The following ABLIM1 variants were observed in gnomAD, a reference collection of about 807,000 sequenced individuals.
The protein encoded by ABLIM1 is actin binding LIM protein 1.
In ABLIM1, 40 loss-of-function variants were observed where a neutral mutation model predicts 107.0. The observed-to-expected ratio is 0.37, with a 90% CI of 0.29 to 0.49. ABLIM1 has a LOEUF of 0.49. Ranked by LOEUF, ABLIM1 falls within the 20% of genes least tolerant of loss-of-function variation. The pLI, the probability that ABLIM1 is intolerant of heterozygous loss-of-function variation, is 0.97. For missense variants in ABLIM1, 857 were observed against 1,008.5 expected, an observed-to-expected ratio of 0.85 and a Z score of 2.04; for synonymous variants, 357 against 357.3, an observed-to-expected ratio of 1.00 and a Z score of 0.01.
chr10:114,787,647 C>G, the ABLIM1 span, among the ~76,000 whole-genome samples: 1 of 143,068 alleles, frequency 7.0e-6, no homozygotes, highest in Non-Finnish European at 1.6e-5. Context: ...GCCCGGCCGC[C>G]CCTACTGGGA....
chr10:114,479,918 T>C, intron 8 of ABLIM1, among the ~76,000 whole-genome samples: 1 of 152,238 alleles, frequency 6.6e-6, no homozygotes, highest in Non-Finnish European at 1.5e-5. Context: ...TTTCTTTTCC[T>C]AATGAATCCA....
chr10:114,560,146 C>G (rs1188665176), intron 4 of ABLIM1, among the ~76,000 whole-genome samples: 1 of 152,156 alleles, frequency 6.6e-6, no homozygotes, highest in Non-Finnish European at 1.5e-5. Context: ...TAAAATGTAC[C>G]AAGACCCAAA....
At chr10:114,630,734 T>A (rs1166030769) in intron 1 of ABLIM1, among the ~76,000 whole-genome samples, 3 of 152,214 alleles carry the variant, frequency 2.0e-5, no homozygotes, top group Non-Finnish European at 4.4e-5. Flanking sequence ...TTGAAATGGT[T>A]CAAGAACGCC....
chr10:114,603,791 T>C (rs2076212720), intron 1 of ABLIM1, among the ~76,000 whole-genome samples: 1 of 151,828 alleles, frequency 6.6e-6, no homozygotes, highest in African/African-American at 2.4e-5. Flanking sequence ...CCGTCTCTAC[T>C]AAAAATACAA....
chr10:114,588,441 G>A (rs762843340), intron 2 of ABLIM1, among the ~76,000 whole-genome samples: 21 of 151,406 alleles, frequency 1.4e-4, no homozygotes, highest in South Asian at 2.1e-4. Context: ...TAGATGGAAC[G>A]GAACAGGTAG....
At chr10:114,457,464 T>C (rs2063042429) in intron 12 of ABLIM1, among the ~76,000 whole-genome samples, 1 of 152,014 alleles carries the variant, frequency 6.6e-6, no homozygotes, top group African/African-American at 2.4e-5. Context: ...GAGACGGGGT[T>C]TCATCATGTT....
intron 1 of ABLIM1, among the ~76,000 whole-genome samples, chr10:114,651,826 A>G (rs1277688792): frequency 6.6e-6 from 1 of 152,218 alleles, no homozygotes; most frequent in African/African-American, 2.4e-5. Flanking sequence ...AAGTTAAAGT[A>G]AGACTGCTGT....
At chr10:114,747,926 G>GCTA (rs2082419261) in intron 1 of ABLIM1, among the ~76,000 whole-genome samples, 1 of 152,188 alleles carries the variant, frequency 6.6e-6, no homozygotes, top group East Asian at 1.9e-4. Flanking sequence ...TGTAATCCCA[G>GCTA]CTACTTGGGA....
chr10:114,745,648 T>A lies in ABLIM1; in HGVS notation c.-213+22413A>T, dbSNP rs575356780. 6.5e-4 allele frequency among the ~76,000 whole-genome samples: 99 copies of A among 152,206 alleles called. 1 individual carries two copies. Among genetic ancestry groups the A allele is most frequent in the Admixed American group, 1.4e-3 (21 of 15,288 alleles). On this transcript the variant is annotated intron_variant, in intron 1 of 15. Transcript: ENST00000651092. Reference sequence around the variant, plus strand: ...ACTTTGAGAGGCCAAGGTGGGCAGATCACCTGAGGTCAGGAGTTCAAGACC... The same window carrying A: ...ACTTTGAGAGGCCAAGGTGGGCAGAACACCTGAGGTCAGGAGTTCAAGACC...
chr10:114,749,046 T>G (rs11196898), intron 1 of ABLIM1, among the ~76,000 whole-genome samples: 18,647 of 152,166 alleles, frequency 0.12, 1,721 homozygotes, highest in East Asian at 0.45. Flanking sequence ...CTAGCTCAAA[T>G]AACGTGCTAG....
intron 6 of ABLIM1, among the ~76,000 whole-genome samples, chr10:114,541,231 A>G (rs1302860049): frequency 6.6e-6 from 1 of 151,734 alleles, no homozygotes. Context: ...TCAGACGTCT[A>G]ACCTCAAGAA....
intron 21 of ABLIM1, 119 bp downstream of exon 21, chr10:114,439,057 C>T: frequency 8.2e-7 from 1 of 1,214,988 alleles, no homozygotes. Flanking sequence ...ATATTCATGA[C>T]ATGGCTCACC....
At chr10:114,686,625 CTCTT>C (rs746536407), upstream of ABLIM1, among the ~76,000 whole-genome samples, 28 of 151,666 alleles carry the variant, frequency 1.8e-4, no homozygotes, top group Admixed American at 6.6e-5. Context: ...TCCTTCTTCT[CTCTT>C]TATCTCTCTT....
chr10:114,718,062 AAAGG>A (rs1308728552), intron 1 of ABLIM1, among the ~76,000 whole-genome samples: 7 of 47,460 alleles, frequency 1.5e-4, no homozygotes, highest in East Asian at 8.6e-4. Context: ...AGAAAGAAAG[AAAGG>A]AAGAAAGGAA....
chr10:114,693,533 G>A (rs947743435), intron 1 of ABLIM1, among the ~76,000 whole-genome samples: 2 of 152,196 alleles, frequency 1.3e-5, no homozygotes, highest in Non-Finnish European at 2.9e-5. Flanking sequence ...ATAGGGTTCA[G>A]GTCTATCCCC....
At chr10:114,491,573 G>A (rs1223831531) in intron 7 of ABLIM1, among the ~76,000 whole-genome samples, 1 of 152,110 alleles carries the variant, frequency 6.6e-6, no homozygotes, top group East Asian at 1.9e-4. Context: ...AGCATCACAA[G>A]TTCATTCGTG....
chr10:114,589,861 T>C (rs1375480880), intron 2 of ABLIM1, among the ~76,000 whole-genome samples: 3 of 152,112 alleles, frequency 2.0e-5, no homozygotes, highest in African/African-American at 7.2e-5. Flanking sequence ...TGTAGCATAG[T>C]CTATGTGTAC....
At chr10:114,565,542 T>C (rs1207802092) in intron 4 of ABLIM1, among the ~76,000 whole-genome samples, 1 of 152,140 alleles carries the variant, frequency 6.6e-6, no homozygotes, top group Admixed American at 6.5e-5. Context: ...AAGAGGTTGC[T>C]AGTAAGTGGA....
intron 2 of ABLIM1, among the ~76,000 whole-genome samples, chr10:114,596,495 G>A (rs1041185876): frequency 3.9e-5 from 6 of 152,006 alleles, no homozygotes; most frequent in African/African-American, 1.4e-4. Context: ...GACCAGCCTG[G>A]GCAACACAGC....
Sources: allele counts gnomAD v4.1 joint callset (sites outside exome capture counted in the v4.1 genomes callset), GRCh38; gene constraint gnomAD v4.1.1; transcripts MANE v1.5; gene names NCBI Gene and HGNC (gene_info 2026-07-23, HGNC 2026-07-21).